The following MACROD1 variants were observed in gnomAD, a reference collection of about 807,000 sequenced individuals.
MACROD1 encodes mono-ADP ribosylhydrolase 1, also known as ADP-ribose glycohydrolase MACROD1.
Under a neutral mutation model 41.4 loss-of-function variants are expected in MACROD1, and 31 were observed. The observed-to-expected ratio is 0.75, with a 90% CI of 0.56 to 1.01. The LOEUF (loss-of-function observed/expected upper bound fraction) is 1.01. MACROD1 is among the 50% of genes least tolerant of loss of function. The pLI, the probability that MACROD1 is intolerant of heterozygous loss-of-function variation, is 0.00. For synonymous variants in MACROD1, 252 were observed against 203.4 expected (o/e 1.24, Z -2.03); for missense variants, 473 against 460.0 (o/e 1.03, Z -0.26).
chr11:64,035,576 C>T (rs1375127820), intron 3 of MACROD1, among the ~76,000 whole-genome samples: 1 of 146,096 alleles, frequency 6.8e-6, no homozygotes, highest in Non-Finnish European at 1.5e-5. Flanking sequence ...CCCACCCGCC[C>T]TTCCCCCAGC....
At chr11:64,160,377 T>C (rs1022232282) in intron 1 of MACROD1, among the ~76,000 whole-genome samples, 1 of 152,198 alleles carries the variant, frequency 6.6e-6, no homozygotes, top group Non-Finnish European at 1.5e-5. Context: ...TTCTGACCTA[T>C]ACGTCAGTCT....
chr11:64,038,977 C>T (rs568105852), intron 3 of MACROD1, among the ~76,000 whole-genome samples: 2 of 152,110 alleles, frequency 1.3e-5, no homozygotes, highest in Admixed American at 1.3e-4. Context: ...GAGTTCATGC[C>T]TAGCAATGTG....
chr11:64,162,159 T>C (rs1451415259), intron 1 of MACROD1, among the ~76,000 whole-genome samples: 1 of 152,158 alleles, frequency 6.6e-6, no homozygotes, highest in African/African-American at 2.4e-5. Context: ...CTGGGCAACA[T>C]GTCAAAATTC....
chr11:64,023,881 T>C (rs1280372128), intron 3 of MACROD1, among the ~76,000 whole-genome samples: 1 of 152,204 alleles, frequency 6.6e-6, no homozygotes, highest in Non-Finnish European at 1.5e-5. Flanking sequence ...CTGTTTGAAA[T>C]GGCGTGGCTG....
chr11:63,999,004 C>G lies in MACROD1; in HGVS notation c.924G>C (p.Glu308Asp). 6.2e-7 allele frequency: 1 copy of G among 1,609,226 alleles called. No homozygotes were observed. The highest frequency in any genetic ancestry group is 1.1e-5 in the South Asian group (1 of 90,512). The change falls in exon 9 of 11, where the codon GAG (glutamate) becomes GAC (aspartate). Residue 308 changes from glutamate (E) to aspartate (D), a missense_variant. Glu to Asp is a conservative substitution (Grantham distance 45). Transcript: ENST00000255681. Reference protein sequence around the residue: ...VDRLIICVFLEKDEDIYRSRL... With the variant: ...VDRLIICVFLDKDEDIYRSRL... ...GGCTCCGGTAGATGTCCTCGTCCTTCTCGAGGAACACGCAGATGATCAGCC... is the reference window on the plus strand; with the variant it reads ...GGCTCCGGTAGATGTCCTCGTCCTTGTCGAGGAACACGCAGATGATCAGCC...
intron 4 of MACROD1, among the ~76,000 whole-genome samples, chr11:64,012,181 C>T (rs1356902204): frequency 3.9e-5 from 6 of 152,186 alleles, no homozygotes; most frequent in South Asian, 4.2e-4. Context: ...CCAGCCGCTC[C>T]GCACCCCTAA....
At chr11:64,041,299 C>T (rs1943482408) in intron 3 of MACROD1, among the ~76,000 whole-genome samples, 1 of 149,718 alleles carries the variant, frequency 6.7e-6, no homozygotes, top group South Asian at 2.1e-4. Context: ...CATTTATCTC[C>T]AGAAGCAAAT....
intron 3 of MACROD1, chr11:64,116,462 C>T: frequency 6.2e-7 from 1 of 1,614,100 alleles, no homozygotes. Context: ...ACGGCTTCAT[C>T]TACTGCAACG....
At chr11:64,057,624 TG>T (rs1369635275) in intron 3 of MACROD1, among the ~76,000 whole-genome samples, 2 of 152,212 alleles carry the variant, frequency 1.3e-5, no homozygotes, top group African/African-American at 4.8e-5. Flanking sequence ...CCCAAGGGCC[TG>T]GACCCCTTGA....
At chr11:64,149,608 G>T (rs1363283147) in intron 3 of MACROD1, among the ~76,000 whole-genome samples, 1 of 152,174 alleles carries the variant, frequency 6.6e-6, no homozygotes, top group African/African-American at 2.4e-5. Flanking sequence ...ATGTTGCAGC[G>T]AACCACCAAC....
In MACROD1 at chr11:64,128,951, G is replaced by A. The variant is rs1159058158; in HGVS notation, c.517+22288C>T. On this transcript the variant is annotated intron_variant, in intron 3 of 10. Coordinates refer to ENST00000255681, the MANE Select transcript of MACROD1 (RefSeq NM_014067.4). ...CATGGATCCATGTGAGTACAAGGAG[G>A]ATGATTCTCCAAGCACAACAGCCCT... is the stretch of plus-strand genomic sequence containing the variant. Among the ~76,000 whole-genome samples the A allele has an allele frequency of 2.6e-5, 4 of 152,222 alleles. No homozygotes were observed. In the East Asian group the frequency reaches 7.7e-4, roughly 29 times the overall value.
intron 3 of MACROD1, among the ~76,000 whole-genome samples, chr11:64,061,421 G>C (rs1264610587): frequency 1.3e-5 from 2 of 152,164 alleles, no homozygotes; most frequent in Non-Finnish European, 2.9e-5. Context: ...CGGCCTCCCA[G>C]GACCTTGGGG....
intron 3 of MACROD1, among the ~76,000 whole-genome samples, chr11:64,057,952 C>T (rs1287672897): frequency 6.6e-6 from 1 of 152,240 alleles, no homozygotes; most frequent in Non-Finnish European, 1.5e-5. Flanking sequence ...CCCTGGGCTC[C>T]CAAGACAACG....
chr11:64,138,638 C>T (rs1479496597), intron 3 of MACROD1: 24 of 755,362 alleles, frequency 3.2e-5, no homozygotes, highest in Non-Finnish European at 3.9e-5. Flanking sequence ...ACTGCGATGC[C>T]GCTCGGCTCT....
At chr11:64,118,355 G>C (rs1454181513) in intron 3 of MACROD1, 1 of 1,479,716 alleles carries the variant, frequency 6.8e-7, no homozygotes, top group African/African-American at 1.4e-5. Context: ...ATGTGGCTTT[G>C]CCCAGCCTGC....
intron 3 of MACROD1, among the ~76,000 whole-genome samples, chr11:64,110,774 G>A (rs149468798): frequency 2.6e-5 from 4 of 152,196 alleles, no homozygotes; most frequent in African/African-American, 4.8e-5. Context: ...AAAGATGGGC[G>A]ATTTACCAGG....
At chr11:64,077,136 C>T (rs1420680513) in intron 3 of MACROD1, among the ~76,000 whole-genome samples, 1 of 152,154 alleles carries the variant, frequency 6.6e-6, no homozygotes, top group Non-Finnish European at 1.5e-5. Flanking sequence ...TAGGCCTGAA[C>T]CCCTTCTCCC....
chr11:64,005,275 G>T (rs558389904), intron 4 of MACROD1, among the ~76,000 whole-genome samples: 1 of 152,144 alleles, frequency 6.6e-6, no homozygotes, highest in Admixed American at 6.5e-5. Flanking sequence ...TGATCCGCCC[G>T]CCTCGGCCTC....
chr11:64,136,051 G>A (rs540058287), intron 3 of MACROD1, among the ~76,000 whole-genome samples: 134 of 152,290 alleles, frequency 8.8e-4, no homozygotes, highest in Non-Finnish European at 1.7e-3. Flanking sequence ...CGCCACGCTC[G>A]GCTGAGCCCT....
Sources: allele counts gnomAD v4.1 joint callset (sites outside exome capture counted in the v4.1 genomes callset), GRCh38; gene constraint gnomAD v4.1.1; transcripts MANE v1.5; gene names NCBI Gene and HGNC (gene_info 2026-07-23, HGNC 2026-07-21).